Variants in SIL1 observed in about 807,000 individuals in gnomAD.
SIL1 encodes SIL1 nucleotide exchange factor.
Under a neutral mutation model 49.1 loss-of-function variants are expected in SIL1, and 40 were observed. The ratio of observed to expected loss-of-function variants is 0.81; its 90% CI spans 0.63 to 1.06. The LOEUF (loss-of-function observed/expected upper bound fraction) is 1.06. SIL1 is among the 50% of genes least tolerant of loss of function. The probability of loss-of-function intolerance (pLI) is 0.00; values close to 1 mark genes in which losing one functional copy is unlikely to be tolerated. For missense variants in SIL1, 500 were observed against 572.6 expected (o/e 0.87, Z 1.29); for synonymous variants, 253 against 250.8 (o/e 1.01, Z -0.08).
intron 5 of SIL1, chr5:139,035,280 G>A: frequency 1.9e-6 from 1 of 517,562 alleles, no homozygotes. Context: ...GAGTTCTCTG[G>A]CTAAAGATTG....
At chr5:138,971,483 T>C (rs1767268182) in intron 7 of SIL1, among the ~76,000 whole-genome samples, 2 of 152,190 alleles carry the variant, frequency 1.3e-5, no homozygotes, top group South Asian at 4.1e-4. Flanking sequence ...AAAAGCATAG[T>C]GAGGAGTTCC....
At chr5:138,976,028 G>A (rs971347273) in intron 7 of SIL1, among the ~76,000 whole-genome samples, 11 of 152,268 alleles carry the variant, frequency 7.2e-5, no homozygotes, top group African/African-American at 2.7e-4. Context: ...GTTTCCAGAA[G>A]TGTGACGTAT....
At position 139,004,564 on chromosome 5, in the gene SIL1, T is replaced by G. The variant is rs76186514; in HGVS notation, c.767+16607A>C. Among the ~76,000 whole-genome samples, 687 of 152,302 alleles carry G rather than the reference T, an allele frequency of 4.5e-3. 2 individuals carry two copies. Among genetic ancestry groups the G allele is most frequent in the Non-Finnish European group, 7.2e-3 (488 of 68,020 alleles). On this transcript the variant is annotated intron_variant, in intron 7 of 9. Transcript: ENST00000394817. The stretch of plus-strand genomic sequence containing the variant: ...TTCATTTTTCTGTCTATGCTGCACT[T>G]TAGGTAATTTCTTCCATTCTATACT...
rs182569486 is a variant in SIL1 at position 139,120,266 on chromosome 5, G to A, written c.244+769C>T. On this transcript the variant is annotated intron_variant, in intron 3 of 9. Transcript: ENST00000394817. ...GAGTAGTAGGCTCCAGCCAAGGACA[G>A]CTAGGACTGGGAAGAAGTGGGAAGA... is the stretch of plus-strand genomic sequence containing the variant. 2.6e-5 allele frequency among the ~76,000 whole-genome samples: 4 copies of A among 152,348 alleles called. No individual in the cohort carries two copies. In the East Asian group the frequency reaches 7.7e-4, roughly 29 times the overall value.
At chr5:139,027,802 C>T (rs1768695037) in intron 5 of SIL1, among the ~76,000 whole-genome samples, 1 of 152,158 alleles carries the variant, frequency 6.6e-6, no homozygotes, top group African/African-American at 2.4e-5. Flanking sequence ...CCAAGAAAAA[C>T]TAAAAGGCAC....
At chr5:138,986,158 A>T (rs1767646355) in intron 7 of SIL1, among the ~76,000 whole-genome samples, 1 of 152,216 alleles carries the variant, frequency 6.6e-6, no homozygotes, top group Non-Finnish European at 1.5e-5. Flanking sequence ...CCTATACATT[A>T]TGCATCCCTG....
intron 3 of SIL1, among the ~76,000 whole-genome samples, chr5:139,112,411 C>T (rs1770874427): frequency 1.3e-5 from 2 of 151,866 alleles, no homozygotes; most frequent in South Asian, 2.1e-4. Flanking sequence ...AGCGTCTCTG[C>T]CCGGCTGCCC....
intron 3 of SIL1, among the ~76,000 whole-genome samples, chr5:139,085,506 G>A (rs1770198603): frequency 6.6e-6 from 1 of 152,172 alleles, no homozygotes; most frequent in Admixed American, 6.5e-5. Context: ...TTTGAAAGAA[G>A]TCATGGAGTG....
intron 7 of SIL1, among the ~76,000 whole-genome samples, chr5:138,966,533 G>C (rs1290096970): frequency 6.6e-6 from 1 of 152,102 alleles, no homozygotes; most frequent in Non-Finnish European, 1.5e-5. Context: ...TTTCCAAAGT[G>C]ACTGAGCCCT....
intron 3 of SIL1, among the ~76,000 whole-genome samples, chr5:139,077,304 C>T (rs1581082228): frequency 6.6e-6 from 1 of 152,278 alleles, no homozygotes; most frequent in East Asian, 1.9e-4. Context: ...AAATACAATT[C>T]CTTTTTTGGA....
In SIL1 at chr5:139,047,664, T is replaced by G. The variant is rs1350801135; in HGVS notation, c.353+3274A>C. On this transcript the variant is annotated intron_variant, in intron 4 of 9. Coordinates refer to ENST00000394817, the MANE Select transcript of SIL1 (RefSeq NM_022464.5). The stretch of plus-strand genomic sequence containing the variant: ...CCTTAGGCCTCTGTTCCTATTCCAG[T>G]GCTAAGGGGCCAGGAAGACACCATG... Among the ~76,000 whole-genome samples the G allele has an allele frequency of 2.0e-5, 3 of 152,212 alleles. 1 individual carries two copies. Among genetic ancestry groups the G allele is most frequent in the Non-Finnish European group, 4.4e-5 (3 of 68,042 alleles).
At chr5:138,993,669 T>C (rs966037351) in intron 7 of SIL1, among the ~76,000 whole-genome samples, 2 of 152,242 alleles carry the variant, frequency 1.3e-5, no homozygotes, top group African/African-American at 4.8e-5. Context: ...CTTATGGAGA[T>C]AGCCATGTGG....
At chr5:139,121,235 A>T in intron 2 of SIL1, 62 bp from the exon 3 acceptor site, 1 of 1,611,614 alleles carries the variant, frequency 6.2e-7, no homozygotes, top group Non-Finnish European at 8.5e-7. Context: ...GCAGAAAAAA[A>T]ATGGCCTAGG....
intron 3 of SIL1, among the ~76,000 whole-genome samples, chr5:139,072,917 AAAG>A: frequency 6.6e-6 from 1 of 152,346 alleles, no homozygotes; most frequent in Admixed American, 6.5e-5. Flanking sequence ...GCAGTTGCCA[AAAG>A]AAGACATACA....
intron 5 of SIL1, 49 bp downstream of exon 5, chr5:139,042,568 GACA>G: frequency 6.8e-7 from 1 of 1,466,506 alleles, no homozygotes; most frequent in Non-Finnish European, 9.6e-7. Flanking sequence ...TCTCTGCAAA[GACA>G]ACAAGGCCAT....
intron 7 of SIL1, among the ~76,000 whole-genome samples, chr5:138,963,658 GAC>G (rs1767072171): frequency 6.6e-6 from 1 of 152,214 alleles, no homozygotes; most frequent in African/African-American, 2.4e-5. Flanking sequence ...TTAAGGTTCT[GAC>G]AGTTTAAATA....
intron 2 of SIL1, among the ~76,000 whole-genome samples, chr5:139,125,167 AG>A (rs995778990): frequency 6.6e-6 from 1 of 152,204 alleles, no homozygotes; most frequent in African/African-American, 2.4e-5. Flanking sequence ...AGAGAGAGAG[AG>A]GCAGGCCAGC....
At chr5:139,020,442 C>A (rs568448241) in intron 7 of SIL1, among the ~76,000 whole-genome samples, 1 of 152,328 alleles carries the variant, frequency 6.6e-6, no homozygotes, top group Admixed American at 6.5e-5. Flanking sequence ...TAGCCTCCAC[C>A]CATGCCCTTG....
chr5:138,969,035 CCT>C (rs750927479), intron 7 of SIL1, among the ~76,000 whole-genome samples: 5 of 152,138 alleles, frequency 3.3e-5, no homozygotes, highest in Non-Finnish European at 7.3e-5. Context: ...TCAATAACCC[CCT>C]GAGGTCCTCC....
Sources: gnomAD v4.1 joint callset for allele counts (sites outside exome capture counted in the v4.1 genomes callset) on GRCh38, gnomAD v4.1.1 for gene constraint, MANE v1.5 for transcripts, NCBI Gene and HGNC (gene_info 2026-07-23, HGNC 2026-07-21) for gene names.